The following CNNM4 variants were observed in gnomAD, a reference collection of about 807,000 sequenced individuals.
CNNM4 encodes the protein cyclin and CBS domain divalent metal cation transport mediator 4, also known as metal transporter CNNM4.
CNNM4 carries 32 observed loss-of-function variants against 53.7 expected under a neutral mutation model. That is an observed-to-expected ratio of 0.60 (90% CI 0.45 to 0.80). The LOEUF (loss-of-function observed/expected upper bound fraction) is 0.80, where lower values mean the gene tolerates loss of function less well. Ranked by LOEUF, CNNM4 falls within the 30% of genes least tolerant of loss-of-function variation. CNNM4 has a pLI of 0.00. For missense variants in CNNM4, 784 were observed against 1,022.0 expected (o/e 0.77, Z 3.17); for synonymous variants, 410 against 440.0 (o/e 0.93, Z 0.85).
At chr2:96,768,446 GA>G (rs144476513) in intron 1 of CNNM4, among the ~76,000 whole-genome samples, 101 of 152,344 alleles carry the variant, frequency 6.6e-4, no homozygotes, top group African/African-American at 2.4e-3. Flanking sequence ...AGAGCTCACA[GA>G]TAGGGTGCCG....
At chr2:96,774,257 G>A (rs2078904445) in intron 1 of CNNM4, among the ~76,000 whole-genome samples, 1 of 152,052 alleles carries the variant, frequency 6.6e-6, no homozygotes, top group Non-Finnish European at 1.5e-5. Flanking sequence ...CAGGGAGGGA[G>A]GGAAGAGGCC....
At chr2:96,804,375 G>A (rs1430138571) in intron 5 of CNNM4, among the ~76,000 whole-genome samples, 6 of 148,724 alleles carry the variant, frequency 4.0e-5, no homozygotes, top group Admixed American at 2.7e-4. Flanking sequence ...GACTACAGGC[G>A]TGCGCCAGGA....
At chr2:96,798,257 A>T (rs1352838389) in intron 3 of CNNM4, 3 of 169,654 alleles carry the variant, frequency 1.8e-5, no homozygotes, top group Non-Finnish European at 2.6e-5. Context: ...GAAAATAACC[A>T]CTGAGGTGGG....
intron 1 of CNNM4, among the ~76,000 whole-genome samples, chr2:96,763,670 C>G (rs1265461922): frequency 6.6e-6 from 1 of 152,130 alleles, no homozygotes; most frequent in Non-Finnish European, 1.5e-5. Context: ...TAGGGAGGAG[C>G]TGGCTTTGCC....
At chr2:96,765,828 C>G (rs1574051018) in intron 1 of CNNM4, among the ~76,000 whole-genome samples, 1 of 147,822 alleles carries the variant, frequency 6.8e-6, no homozygotes, top group South Asian at 2.1e-4. Flanking sequence ...GAGTTTCGCT[C>G]TCATTGCCCC....
chr2:96,768,234 CT>C (rs781590569), intron 1 of CNNM4, among the ~76,000 whole-genome samples: 8 of 152,158 alleles, frequency 5.3e-5, no homozygotes, highest in Non-Finnish European at 1.0e-4. Context: ...TCTGACACAC[CT>C]TAAGTAACTT....
rs748374767 is a variant in CNNM4, at chr2:96,808,710, G to A, written c.2098G>A (p.Val700Ile). The change falls in exon 6 of 7, where the codon GTC (valine) becomes ATC (isoleucine). Residue 700 changes from valine to isoleucine, a missense_variant. Around this residue, in one of 3 missense-constraint regions of CNNM4, gnomAD observed 307 missense variants for 376.3 expected, o/e 0.82. Transcript: ENST00000377075. This position sits in a 1 kb window ranked among gnomAD's most constrained non-coding sequence, Gnocchi z 4.9. Reference sequence around the variant, plus strand: ...GGGCCAGTACATCTCTGACTTCAGCGTCCGGGCACTCGTGGACTTGCAGTA... The same window carrying A: ...GGGCCAGTACATCTCTGACTTCAGCATCCGGGCACTCGTGGACTTGCAGTA... ...VLGQYISDFS[V>I]RALVDLQYIK... is the part of the protein sequence containing the mutation. 21 of 1,614,172 alleles carry A rather than the reference G, an allele frequency of 1.3e-5. No homozygotes were observed. The highest frequency in any genetic ancestry group is 2.2e-5 in the East Asian group (1 of 44,868).
intron 1 of CNNM4, among the ~76,000 whole-genome samples, chr2:96,796,229 C>T (rs558187173): frequency 7.0e-6 from 1 of 143,182 alleles, no homozygotes; most frequent in South Asian, 2.3e-4. Flanking sequence ...ACTGCAACCT[C>T]TGCCTCCCGG....
At chr2:96,786,995 C>T (rs905455717) in intron 1 of CNNM4, among the ~76,000 whole-genome samples, 1 of 152,172 alleles carries the variant, frequency 6.6e-6, no homozygotes, top group African/African-American at 2.4e-5. Context: ...CCTTCCTACT[C>T]TACTGTTTTG....
chr2:96,786,940 G>A (rs1469980398), intron 1 of CNNM4, among the ~76,000 whole-genome samples: 1 of 152,122 alleles, frequency 6.6e-6, no homozygotes, highest in African/African-American at 2.4e-5. Flanking sequence ...AAAATAGCAT[G>A]TGAAGTATAA....
intron 1 of CNNM4, among the ~76,000 whole-genome samples, chr2:96,777,127 T>C (rs2078931993): frequency 6.6e-6 from 1 of 152,046 alleles, no homozygotes; most frequent in African/African-American, 2.4e-5. Flanking sequence ...TTCAGGCAAT[T>C]CTCCTGCCTC....
intron 1 of CNNM4, among the ~76,000 whole-genome samples, chr2:96,782,177 A>C (rs1326363298): frequency 6.6e-6 from 1 of 152,132 alleles, no homozygotes; most frequent in Non-Finnish European, 1.5e-5. Context: ...GTGGTGGCTC[A>C]TGCCTGTAAT....
rs115026479 is a variant in CNNM4, at chr2:96,785,035, G to A, written c.1403-11977G>A. On this transcript the variant is annotated intron_variant, in intron 1 of 6. Transcript: ENST00000377075. ...TGAGATTATAGGTGGGCACCACCAC[G>A]CCCAGCTAATTTGTGTGTTTTTAGT... Among the ~76,000 whole-genome samples, 1,349 of 152,160 alleles carry A rather than the reference G, an allele frequency of 8.9e-3. 15 individuals carry two copies. The highest frequency in any genetic ancestry group is 0.012 in the Non-Finnish European group (827 of 67,998).
chr2:96,808,442 G>A lies in CNNM4; in HGVS notation c.1949-119G>A. The A allele has an allele frequency of 1.0e-6, 1 of 985,946 alleles. No individual in the cohort carries two copies. Among genetic ancestry groups the A allele is most frequent in the East Asian group, 2.6e-5 (1 of 38,774 alleles). 61.1% of individuals were successfully genotyped at this position (985,946 alleles called of 1,614,324 possible). A position where few individuals can be genotyped will look rare whatever the true frequency, so the allele number is the denominator to read the frequency against. The stretch of plus-strand genomic sequence containing the variant: ...TCTACATGCTTCTGTTTGTCCCTAA[G>A]AATGACTTCCTGTTCCTGGGTGGGG... On this transcript the variant is annotated intron_variant, in intron 5 of 6. Coordinates refer to ENST00000377075, the MANE Select transcript of CNNM4 (RefSeq NM_020184.4). This position sits in a 1 kb window ranked among gnomAD's most constrained non-coding sequence, Gnocchi z 4.9.
At position 96,801,963 on chromosome 2, in the gene CNNM4, GCA is replaced by G. The variant is rs976173756; in HGVS notation, c.1948+2324_1948+2325del. ...CACACCCATAGGCACACACCCATAG[GCA>G]CACACACAAAGAGACACACACAGAC... On this transcript the variant is annotated intron_variant, in intron 5 of 6. Coordinates refer to ENST00000377075, the MANE Select transcript of CNNM4 (RefSeq NM_020184.4). This position sits in a 1 kb window ranked among gnomAD's most constrained non-coding sequence, Gnocchi z 5.6. 6.9e-6 allele frequency among the ~76,000 whole-genome samples: 1 copy of G among 145,066 alleles called. No homozygotes were observed. Among genetic ancestry groups the G allele is most frequent in the African/African-American group, 2.6e-5 (1 of 39,016 alleles).
At chr2:96,804,693 G>T (rs1224154553) in intron 5 of CNNM4, among the ~76,000 whole-genome samples, 3 of 151,520 alleles carry the variant, frequency 2.0e-5, no homozygotes, top group Non-Finnish European at 2.9e-5. Flanking sequence ...GAGCCACCGT[G>T]CCTGGCCAAA....
At chr2:96,782,625 ACCT>A (rs2078984505) in intron 1 of CNNM4, among the ~76,000 whole-genome samples, 1 of 152,018 alleles carries the variant, frequency 6.6e-6, no homozygotes, top group South Asian at 2.1e-4. Context: ...CTCTGGCATC[ACCT>A]CAACTGTTGC....
chr2:96,777,447 G>A (rs936296123), intron 1 of CNNM4, among the ~76,000 whole-genome samples: 1 of 151,934 alleles, frequency 6.6e-6, no homozygotes, highest in East Asian at 1.9e-4. Flanking sequence ...CCAGGCTCAA[G>A]CAATATATTC....
chr2:96,774,933 C>G (rs993432733), intron 1 of CNNM4, among the ~76,000 whole-genome samples: 2 of 114,046 alleles, frequency 1.8e-5, no homozygotes, highest in Admixed American at 2.6e-4. Context: ...TGCACTCTAG[C>G]CTGGGAGACA....
Sources: allele counts gnomAD v4.1 joint callset (sites outside exome capture counted in the v4.1 genomes callset), GRCh38; gene constraint gnomAD v4.1.1; regional missense constraint gnomAD v4.1.1; non-coding constraint Gnocchi (gnomAD v3.1); transcripts MANE v1.5; gene names NCBI Gene and HGNC (gene_info 2026-07-23, HGNC 2026-07-21).